Variants in TXNRD2 observed in about 807,000 individuals in gnomAD.
TXNRD2 encodes the protein thioredoxin reductase 2, also known as thioredoxin reductase 2, mitochondrial.
TXNRD2 carries 67 observed loss-of-function variants against 70.8 expected under a neutral mutation model. That is an observed-to-expected ratio of 0.95 (90% confidence interval 0.78 to 1.16). The LOEUF is 1.16. TXNRD2 is among the 50% of genes most tolerant of loss of function. The pLI is 0.00. For missense variants in TXNRD2, 644 were observed against 719.9 expected, an observed-to-expected ratio of 0.89 and a Z score of 1.21; for synonymous variants, 301 against 295.8, an observed-to-expected ratio of 1.02 and a Z score of -0.18.
intron 2 of TXNRD2, among the ~76,000 whole-genome samples, chr22:19,924,621 A>G (rs1232406598): frequency 6.6e-6 from 1 of 152,226 alleles, no homozygotes; most frequent in Non-Finnish European, 1.5e-5. Flanking sequence ...GAAAACTACA[A>G]TACAGGAGAT....
chr22:19,903,096 G>C, intron 8 of TXNRD2: 1 of 512,348 alleles, frequency 2.0e-6, no homozygotes, highest in Non-Finnish European at 3.9e-6. Context: ...TCAGAGGGTG[G>C]ACAGGCCTGG....
At position 19,929,244 on chromosome 22, in the gene TXNRD2, G is replaced by A. The variant is rs187736390; in HGVS notation, c.172+1786C>T. On this transcript the variant is annotated intron_variant, in intron 2 of 17. Coordinates refer to ENST00000400521, the MANE Select transcript of TXNRD2 (RefSeq NM_006440.5). ...CGGGAGGCTGAGACAGGAGAATGGC[G>A]TGAACCCGGGAGGCAGAGGTTGCAG... Among the ~76,000 whole-genome samples the A allele has an allele frequency of 4.7e-5, 7 of 148,900 alleles. No individual in the cohort carries two copies. The East Asian group carries it at 8.0e-4, about 17-fold the overall frequency.
chr22:19,909,130 C>T (rs185377077), intron 8 of TXNRD2, among the ~76,000 whole-genome samples: 2 of 149,712 alleles, frequency 1.3e-5, no homozygotes, highest in African/African-American at 2.5e-5. Flanking sequence ...CGCTTGAACC[C>T]GGGAGGCAGA....
At chr22:19,930,965 G>A in intron 2 of TXNRD2, 65 bp downstream of exon 2, 2 of 1,482,096 alleles carry the variant, frequency 1.3e-6, no homozygotes, top group Non-Finnish European at 1.9e-6. Flanking sequence ...TTTCTGGACA[G>A]CACCACCCTC....
In TXNRD2 at chr22:19,919,618, C is replaced by A; in HGVS notation, c.173-19G>T. On this transcript the variant is annotated intron_variant, in intron 2 of 17. Coordinates refer to ENST00000400521, the MANE Select transcript of TXNRD2 (RefSeq NM_006440.5). ...TGGGCGGCTGGAAGGATAAGGAGAGCAGCAGGTGAGCATGGGGAGCTGGCT... is the reference window on the plus strand; with the variant it reads ...TGGGCGGCTGGAAGGATAAGGAGAGAAGCAGGTGAGCATGGGGAGCTGGCT... 1 of 1,548,996 alleles carries A rather than the reference C, an allele frequency of 6.5e-7. No homozygotes were observed. The highest frequency in any genetic ancestry group is 8.7e-7 in the Non-Finnish European group (1 of 1,147,008).
intron 8 of TXNRD2, among the ~76,000 whole-genome samples, chr22:19,909,951 ACAC>A (rs1391893088): frequency 7.0e-6 from 1 of 143,086 alleles, no homozygotes; most frequent in East Asian, 2.1e-4. Context: ...CACCACACAC[ACAC>A]ACCACTCACA....
At chr22:19,919,739 C>T (rs543785552) in intron 2 of TXNRD2, 140 bp from the exon 3 acceptor site, 130 of 822,634 alleles carry the variant, frequency 1.6e-4, no homozygotes, top group African/African-American at 1.5e-3. Context: ...GGCTGAGCTG[C>T]GCAATGCTAG....
intron 7 of TXNRD2, among the ~76,000 whole-genome samples, chr22:19,912,450 A>T (rs905060058): frequency 1.3e-5 from 2 of 151,870 alleles, no homozygotes; most frequent in African/African-American, 4.8e-5. Context: ...AGCCGTCAGC[A>T]GCTGCCCGTG....
intron 8 of TXNRD2, among the ~76,000 whole-genome samples, chr22:19,906,219 C>A (rs1260491097): frequency 6.6e-6 from 1 of 152,158 alleles, no homozygotes; most frequent in Non-Finnish European, 1.5e-5. Context: ...CTCACAGACA[C>A]GCTCATCTCA....
Position 19,915,214 on chromosome 22 carries a change from G to A in TXNRD2, c.591C>T (p.His197=), listed in dbSNP as rs543644944. The change falls in exon 7 of 18, where the codon CAC becomes CAT. Residue 197 remains histidine, a splice_region_variant and synonymous_variant. Coordinates refer to ENST00000400521, the MANE Select transcript of TXNRD2 (RefSeq NM_006440.5). ...GACGCTATGCTCTGGGGACACTCAC[G>A]TGCGTGGGGTATCTCGGCCGCCCTC... ...ATGGRPRYPT[H]IEGALEYGIT... is the part of the protein sequence containing the mutation. 1.5e-5 allele frequency: 25 copies of A among 1,613,560 alleles called. No individual in the cohort carries two copies. The highest frequency in any genetic ancestry group is 1.6e-4 in the Middle Eastern group (1 of 6,082).
intron 5 of TXNRD2, among the ~76,000 whole-genome samples, chr22:19,917,891 G>A (rs1223536760): frequency 1.3e-5 from 2 of 152,162 alleles, no homozygotes; most frequent in East Asian, 1.9e-4. Context: ...CTGGGCTCTG[G>A]CCATTCTGCC....
intron 14 of TXNRD2, among the ~76,000 whole-genome samples, chr22:19,878,931 C>T (rs1013381557): frequency 5.9e-5 from 9 of 152,230 alleles, no homozygotes; most frequent in Non-Finnish European, 1.3e-4. Flanking sequence ...CCCTGAAGGG[C>T]TCGACAGCGT....
intron 1 of TXNRD2, among the ~76,000 whole-genome samples, chr22:19,939,615 A>G (rs1941634335): frequency 6.6e-6 from 1 of 152,160 alleles, no homozygotes; most frequent in South Asian, 2.1e-4. Flanking sequence ...ACTACAGATG[A>G]CCGTTGCACC....
Position 19,895,403 on chromosome 22 carries a change from T to C in TXNRD2, c.949+4A>G. 1.9e-6 allele frequency: 3 copies of C among 1,613,896 alleles called. No individual in the cohort carries two copies. Among genetic ancestry groups the C allele is most frequent in the Non-Finnish European group, 2.5e-6 (3 of 1,179,928 alleles). On this transcript the variant is annotated splice_donor_region_variant and intron_variant, in intron 11 of 17. Transcript: ENST00000400521. Reference sequence around the variant, plus strand: ...ACAGAGCGTGTGGCTCGACGTGCCCTTACCTATGGCCCACAGGACGGTGTC... The same window carrying C: ...ACAGAGCGTGTGGCTCGACGTGCCCCTACCTATGGCCCACAGGACGGTGTC...
chr22:19,936,898 C>A (rs745361992), intron 1 of TXNRD2, among the ~76,000 whole-genome samples: 1 of 152,138 alleles, frequency 6.6e-6, no homozygotes, highest in African/African-American at 2.4e-5. Context: ...AGATTAGAGG[C>A]GTGGGCTTAT....
At chr22:19,877,553 C>T (rs1164846678) in intron 16 of TXNRD2, among the ~76,000 whole-genome samples, 2 of 152,138 alleles carry the variant, frequency 1.3e-5, no homozygotes, top group Non-Finnish European at 2.9e-5. Context: ...CCACAGACAG[C>T]GCATCCTGGC....
intron 8 of TXNRD2, among the ~76,000 whole-genome samples, chr22:19,901,506 T>A (rs926281044): frequency 8.5e-5 from 13 of 152,244 alleles, no homozygotes; most frequent in Admixed American, 7.9e-4. Context: ...CTTGTTGTCA[T>A]GAGCAAGGAT....
chr22:19,884,154 G>C (rs1232882128), intron 11 of TXNRD2: 1 of 152,690 alleles, frequency 6.5e-6, no homozygotes. Flanking sequence ...ACTGTCTCAA[G>C]AAAAAAGAAT....
At position 19,884,843 on chromosome 22, in the gene TXNRD2, G is replaced by A. The variant is rs549086093; in HGVS notation, c.950-1382C>T. On this transcript the variant is annotated intron_variant, in intron 11 of 17. Coordinates refer to ENST00000400521, the MANE Select transcript of TXNRD2 (RefSeq NM_006440.5). Reference sequence around the variant, plus strand: ...GGCCAGGTGAGCAGAGCTAGCAGCCGGGTCTCCCACCTGCTCTGTGCTGCA... The same window carrying A: ...GGCCAGGTGAGCAGAGCTAGCAGCCAGGTCTCCCACCTGCTCTGTGCTGCA... 3.3e-5 allele frequency among the ~76,000 whole-genome samples: 5 copies of A among 152,312 alleles called. No individual in the cohort carries two copies. In the South Asian group the frequency reaches 8.3e-4, roughly 25 times the overall value.
Sources: allele counts gnomAD v4.1 joint callset (sites outside exome capture counted in the v4.1 genomes callset), GRCh38; gene constraint gnomAD v4.1.1; transcripts MANE v1.5; gene names NCBI Gene and HGNC (gene_info 2026-07-23, HGNC 2026-07-21).